AHDC1: variants seen among roughly 807,000 people sequenced by gnomAD.
The protein encoded by AHDC1 is AT-hook DNA binding motif containing 1.
AHDC1 carries 7 observed loss-of-function variants against 87.9 expected under a neutral mutation model. That is an observed-to-expected ratio of 0.08 (90% CI 0.05 to 0.15). The LOEUF is 0.15. AHDC1 is among the 10% of genes least tolerant of loss of function. The pLI, the probability that AHDC1 is intolerant of heterozygous loss-of-function variation, is 1.00. For missense variants in AHDC1, 1,841 were observed against 2,253.2 expected (o/e 0.82, Z 3.70); for synonymous variants, 1,051 against 1,006.8 (o/e 1.04, Z -0.83).
chr1:27,582,406 T>C (rs2088933286), intron 3 of AHDC1, among the ~76,000 whole-genome samples: 1 of 152,250 alleles, frequency 6.6e-6, no homozygotes, highest in South Asian at 2.1e-4. Flanking sequence ...TAAAACCTGC[T>C]ATACAAATAA....
At chr1:27,545,868 T>C (rs950294359) in intron 8 of AHDC1, among the ~76,000 whole-genome samples, 2 of 152,116 alleles carry the variant, frequency 1.3e-5, no homozygotes, top group Admixed American at 1.3e-4. Flanking sequence ...GGCAAAAGCT[T>C]GGTCAAGGGC....
At position 27,561,585 on chromosome 1, in the gene AHDC1, T is replaced by C. The variant is rs900832509; in HGVS notation, c.-628-2702A>G. Among the ~76,000 whole-genome samples, 3 of 151,864 alleles carry C rather than the reference T, an allele frequency of 2.0e-5. No homozygotes were observed. Among genetic ancestry groups the C allele is most frequent in the African/African-American group, 7.3e-5 (3 of 41,322 alleles). The stretch of plus-strand genomic sequence containing the variant: ...GCTCCAGGCGCAAGGCAGAATCACA[T>C]GTTTCCCATTAGCTGCTCTGGCCTC... On this transcript the variant is annotated intron_variant, in intron 3 of 8. Coordinates refer to ENST00000673934, the MANE Select transcript of AHDC1 (RefSeq NM_001371928.1). The surrounding 1 kb of genome is among the most constrained non-coding windows in gnomAD (Gnocchi z 4.2).
intron 3 of AHDC1, among the ~76,000 whole-genome samples, chr1:27,592,784 G>A (rs2089262254): frequency 1.3e-5 from 2 of 152,178 alleles, no homozygotes; most frequent in African/African-American, 4.8e-5. Context: ...TGGATTGGCT[G>A]AGCCGGCTGC....
At chr1:27,567,289 C>T (rs1438912864) in intron 3 of AHDC1, among the ~76,000 whole-genome samples, 12 of 152,176 alleles carry the variant, frequency 7.9e-5, no homozygotes, top group Admixed American at 6.5e-4. Context: ...GTTGCCAAGG[C>T]GACGGTGGGT....
chr1:27,595,664 T>C lies in AHDC1; in HGVS notation c.-629+7733A>G, dbSNP rs974234020. On this transcript the variant is annotated intron_variant, in intron 3 of 8. Coordinates refer to ENST00000673934, the MANE Select transcript of AHDC1 (RefSeq NM_001371928.1). This position sits in a 1 kb window ranked among gnomAD's most constrained non-coding sequence, Gnocchi z 4.0. Reference sequence around the variant, plus strand: ...GATTTTAATTGGGTACCTGCAAGGGTCTGGGGAGGCGTTAGAGACCTGAGG... The same window carrying C: ...GATTTTAATTGGGTACCTGCAAGGGCCTGGGGAGGCGTTAGAGACCTGAGG... Among the ~76,000 whole-genome samples, 2 of 151,660 alleles carry C rather than the reference T, an allele frequency of 1.3e-5. No individual in the cohort carries two copies. The highest frequency in any genetic ancestry group is 1.5e-5 in the Non-Finnish European group (1 of 67,900).
intron 3 of AHDC1, among the ~76,000 whole-genome samples, chr1:27,592,797 GTT>G (rs2089263282): frequency 6.6e-6 from 1 of 152,190 alleles, no homozygotes; most frequent in African/African-American, 2.4e-5. Flanking sequence ...CCGGCTGCCG[GTT>G]AACCTGTGAG....
rs953540846 is a variant in AHDC1, at chr1:27,562,217, C to T, written c.-628-3334G>A. 2.0e-5 allele frequency among the ~76,000 whole-genome samples: 3 copies of T among 152,010 alleles called. No homozygotes were observed. The highest frequency in any genetic ancestry group is 6.5e-5 in the Admixed American group (1 of 15,274). ...AGTGGACGCGCCCAAGCTGGCTCGG[C>T]GGGGGCGGCCAGTGCGCCAAGCCTC... On this transcript the variant is annotated intron_variant, in intron 3 of 8. Transcript: ENST00000673934. The surrounding 1 kb of genome is among the most constrained non-coding windows in gnomAD (Gnocchi z 4.4).
Position 27,547,227 on chromosome 1 carries a change from C to T in AHDC1, c.*43+34G>A. ...CTGATGTCCTCTTCCCACCCCCAGGCCTCTGCCCACTGCGCCCACATCCCC... is the reference window on the plus strand; with the variant it reads ...CTGATGTCCTCTTCCCACCCCCAGGTCTCTGCCCACTGCGCCCACATCCCC... On this transcript the variant is annotated intron_variant, in intron 8 of 8. Transcript: ENST00000673934. This position sits in a 1 kb window ranked among gnomAD's most constrained non-coding sequence, Gnocchi z 4.9. The T allele has an allele frequency of 7.1e-7, 1 of 1,405,690 alleles. No homozygotes were observed. The highest frequency in any genetic ancestry group is 9.6e-7 in the Non-Finnish European group (1 of 1,042,784). The allele number at this position is 1,405,690 out of a possible 1,614,324, so 87.1% of individuals were successfully genotyped here. A position where few individuals can be genotyped will look rare whatever the true frequency, so the allele number is the denominator to read the frequency against.
intron 3 of AHDC1, among the ~76,000 whole-genome samples, chr1:27,584,049 A>C (rs2088980207): frequency 6.6e-6 from 1 of 152,220 alleles, no homozygotes; most frequent in Non-Finnish European, 1.5e-5. Flanking sequence ...TTAGTTGTTG[A>C]ATAAATTAAT....
At chr1:27,594,244 G>A (rs772663431) in intron 3 of AHDC1, among the ~76,000 whole-genome samples, 2 of 152,056 alleles carry the variant, frequency 1.3e-5, no homozygotes, top group Non-Finnish European at 2.9e-5. Flanking sequence ...GGATTTGGGG[G>A]TGGGGGGTAG....
In AHDC1 at chr1:27,561,353, A is replaced by G. The variant is rs570498084; in HGVS notation, c.-628-2470T>C. On this transcript the variant is annotated intron_variant, in intron 3 of 8. Transcript: ENST00000673934. This position sits in a 1 kb window ranked among gnomAD's most constrained non-coding sequence, Gnocchi z 4.2. ...TGCCTGGCCCTGAGTGTTGGGGGGG[A>G]ACTTCAGGAGCAAAGCTGCCCTTAG... 1.2e-3 allele frequency among the ~76,000 whole-genome samples: 175 copies of G among 146,548 alleles called. No individual in the cohort carries two copies. Among genetic ancestry groups the G allele is most frequent in the African/African-American group, 4.1e-3 (162 of 39,062 alleles).
intron 3 of AHDC1, among the ~76,000 whole-genome samples, chr1:27,589,477 G>A (rs1477508840): frequency 2.0e-5 from 3 of 152,184 alleles, no homozygotes; most frequent in Non-Finnish European, 4.4e-5. Context: ...GCATGTCTAA[G>A]TACAGAGTGC....
At chr1:27,601,867 G>A (rs966797673) in intron 3 of AHDC1, among the ~76,000 whole-genome samples, 8 of 152,116 alleles carry the variant, frequency 5.3e-5, no homozygotes, top group African/African-American at 1.7e-4. Context: ...CCCAGCCGGC[G>A]GCGACAGCAG....
chr1:27,596,176 C>T (rs1053923064), intron 3 of AHDC1, among the ~76,000 whole-genome samples: 1 of 152,000 alleles, frequency 6.6e-6, no homozygotes, highest in African/African-American at 2.4e-5. Flanking sequence ...GGTGCCTGTG[C>T]GGGGGTGTTG....
intron 3 of AHDC1, among the ~76,000 whole-genome samples, chr1:27,574,615 G>A (rs1218636018): frequency 2.0e-5 from 3 of 152,170 alleles, no homozygotes; most frequent in African/African-American, 7.2e-5. Context: ...ATGCTAGGTG[G>A]GGGCAGGAAA....
chr1:27,575,617 C>A (rs1390332139), intron 3 of AHDC1, among the ~76,000 whole-genome samples: 1 of 151,510 alleles, frequency 6.6e-6, no homozygotes, highest in African/African-American at 2.4e-5. Context: ...CAGCGCGCAG[C>A]CCGGGCTGCC....
At position 27,548,553 on chromosome 1, in the gene AHDC1, TCGCTGTTGGCACGCCGAAACCCCC is replaced by T; in HGVS notation, c.3539_3562del (p.Gly1180_Ser1187del). 6.2e-7 allele frequency: 1 copy of T among 1,613,600 alleles called. No homozygotes were observed. On this transcript the variant is annotated inframe_deletion, in exon 8 of 9. Coordinates refer to ENST00000673934, the MANE Select transcript of AHDC1 (RefSeq NM_001371928.1). ...CGACTGGCCCTCACTACTTGAGGCC[TCGCTGTTGGCACGCCGAAACCCCC>T]CGCCACCAACCGGCTGATTGAACTG...
chr1:27,538,400 C>CAAAAA (rs370786800), intron 8 of AHDC1, among the ~76,000 whole-genome samples: 14 of 60,704 alleles, frequency 2.3e-4, no homozygotes, highest in African/African-American at 7.3e-4. Flanking sequence ...AAGACTGTCT[C>CAAAAA]AAAAAAAAAA....
rs1158996338 is a variant in AHDC1 at position 27,550,027 on chromosome 1, C to T, written c.2089G>A (p.Gly697Ser). The change falls in exon 8 of 9, where the codon GGC becomes AGC. Residue 697 changes from glycine to serine, a missense_variant. Transcript: ENST00000673934. Reference sequence around the variant, plus strand: ...ACCACCTTCTTTTTCTTGCCGATGCCCTCAAAGAAGTCACTGAAGGAGCAT... The same window carrying T: ...ACCACCTTCTTTTTCTTGCCGATGCTCTCAAAGAAGTCACTGAAGGAGCAT... ...ARCSFSDFFE[G>S]IGKKKKVVAV... 6.2e-7 allele frequency: 1 copy of T among 1,600,766 alleles called. No individual in the cohort carries two copies. The highest frequency in any genetic ancestry group is 1.7e-5 in the Admixed American group (1 of 59,236).
Sources: gnomAD v4.1 joint callset for allele counts (sites outside exome capture counted in the v4.1 genomes callset) on GRCh38, gnomAD v4.1.1 for gene constraint, Gnocchi (gnomAD v3.1) non-coding constraint, MANE v1.5 for transcripts, NCBI Gene and HGNC (gene_info 2026-07-23, HGNC 2026-07-21) for gene names.